The following PCDHA11 variants were observed in gnomAD, a reference collection of about 807,000 sequenced individuals.
PCDHA11 encodes protocadherin alpha 11, also known as protocadherin alpha-11.
In PCDHA11, 61 loss-of-function variants were observed where a neutral mutation model predicts 70.3. The observed-to-expected ratio is 0.87, with a 90% confidence interval of 0.71 to 1.07. The LOEUF is 1.07. Ranked by LOEUF, PCDHA11 falls within the 50% of genes least tolerant of loss-of-function variation. PCDHA11 has a pLI of 0.00. For synonymous variants in PCDHA11, 633 were observed against 555.1 expected, an observed-to-expected ratio of 1.14 and a Z score of -1.97; for missense variants, 1,324 against 1,237.5, an observed-to-expected ratio of 1.07 and a Z score of -1.05.
At chr5:140,909,471 A>G (rs1398595420) in intron 1 of PCDHA11, among the ~76,000 whole-genome samples, 3 of 152,328 alleles carry the variant, frequency 2.0e-5, no homozygotes, top group African/African-American at 7.2e-5. Context: ...TCTTCTTCAC[A>G]GGCTAAATAG....
intron 1 of PCDHA11, chr5:140,966,615 G>C (rs1423136904): frequency 3.9e-6 from 3 of 773,600 alleles, no homozygotes; most frequent in Non-Finnish European, 5.6e-6. Flanking sequence ...GAGGGCCTAC[G>C]GAGGGAGCGG....
At chr5:140,964,183 C>A (rs1422782402) in intron 1 of PCDHA11, among the ~76,000 whole-genome samples, 2 of 152,164 alleles carry the variant, frequency 1.3e-5, no homozygotes, top group Non-Finnish European at 2.9e-5. Context: ...CATTATAGTG[C>A]CAAATAGAGT....
intron 1 of PCDHA11, among the ~76,000 whole-genome samples, chr5:140,916,511 C>G (rs2077595595): frequency 6.6e-6 from 1 of 152,132 alleles, no homozygotes; most frequent in African/African-American, 2.4e-5. Flanking sequence ...ATTAATCTTG[C>G]CAAGACTGGG....
chr5:140,960,553 C>T (rs2095555809), intron 1 of PCDHA11, among the ~76,000 whole-genome samples: 1 of 152,078 alleles, frequency 6.6e-6, no homozygotes, highest in Non-Finnish European at 1.5e-5. Context: ...TTCATATAGA[C>T]TGAGCTTAGG....
intron 1 of PCDHA11, among the ~76,000 whole-genome samples, chr5:140,932,192 TTC>T (rs2088100364): frequency 6.6e-6 from 1 of 151,968 alleles, no homozygotes. Context: ...GTCCATTTTT[TTC>T]TGTTAATATT....
intron 3 of PCDHA11, among the ~76,000 whole-genome samples, chr5:140,992,293 G>A (rs1043574685): frequency 1.3e-5 from 2 of 152,136 alleles, no homozygotes; most frequent in African/African-American, 2.4e-5. Flanking sequence ...GCAAAGGATG[G>A]GAGTATTGTT....
chr5:140,952,512 C>T (rs1381568463), intron 1 of PCDHA11, among the ~76,000 whole-genome samples: 1 of 152,124 alleles, frequency 6.6e-6, no homozygotes, highest in Non-Finnish European at 1.5e-5. Flanking sequence ...TCCTCATCTC[C>T]ATCTGAGACC....
chr5:141,009,760 A>T lies in PCDHA11; in HGVS notation c.2673A>T (p.Gly891=), dbSNP rs782167920. The change falls in exon 4 of 4, where the codon GGA becomes GGT. Residue 891 remains glycine, a synonymous_variant. Transcript: ENST00000398640. ...TGCCCGACAAATTCATTATCCCAGG[A>T]TCTCCTGCAATCATCTCCATCCGGC... ...GELPDKFIIP[G]SPAIISIRQE... is the part of the protein sequence containing the mutation. 1.9e-6 allele frequency: 3 copies of T among 1,614,130 alleles called. No individual in the cohort carries two copies. Among genetic ancestry groups the T allele is most frequent in the Admixed American group, 3.3e-5 (2 of 60,020 alleles).
chr5:140,941,191 T>TTTTTTTTCTTTC (rs1554213809), intron 1 of PCDHA11, among the ~76,000 whole-genome samples: 2 of 93,204 alleles, frequency 2.1e-5, no homozygotes, highest in African/African-American at 7.9e-5. Context: ...GCTTCTTTTT[T>TTTTTTTTCTTTC]TTTCTTTCTT....
At chr5:140,935,673 A>T (rs1462991962) in intron 1 of PCDHA11, among the ~76,000 whole-genome samples, 1 of 152,180 alleles carries the variant, frequency 6.6e-6, no homozygotes, top group Non-Finnish European at 1.5e-5. Flanking sequence ...AATTATGTGA[A>T]ATATTTACAT....
In PCDHA11 at chr5:140,870,852, G is replaced by T. The variant is rs782301779; in HGVS notation, c.1749G>T (p.Ser583=). 6 of 1,613,862 alleles carry T rather than the reference G, an allele frequency of 3.7e-6. 1 individual carries two copies. The South Asian group carries it at 6.6e-5, about 18-fold the overall frequency. The change falls in exon 1 of 4, where the codon TCG becomes TCT. Residue 583 remains serine (S), a synonymous_variant. Coordinates refer to ENST00000398640, the MANE Select transcript of PCDHA11 (RefSeq NM_018902.5). ...GGAVNKLVPR[S]VGAGHVVAKV... ...CAGTTAACAAGCTAGTACCGCGGTC[G>T]GTGGGTGCGGGCCACGTGGTGGCGA...
At chr5:140,978,594 G>C (rs184264823) in intron 1 of PCDHA11, among the ~76,000 whole-genome samples, 31 of 152,288 alleles carry the variant, frequency 2.0e-4, no homozygotes, top group African/African-American at 7.5e-4. Flanking sequence ...CCCTTAATGG[G>C]GCACTTGAGG....
chr5:140,986,220 T>C (rs2097190951), intron 3 of PCDHA11, among the ~76,000 whole-genome samples: 1 of 152,194 alleles, frequency 6.6e-6, no homozygotes, highest in African/African-American at 2.4e-5. Flanking sequence ...CCCCTTTCTC[T>C]AGCCTCCCCT....
In PCDHA11 at chr5:140,903,129, A is replaced by C. The variant is rs184256724; in HGVS notation, c.2391+31635A>C. On this transcript the variant is annotated intron_variant, in intron 1 of 3. Coordinates refer to ENST00000398640, the MANE Select transcript of PCDHA11 (RefSeq NM_018902.5). ...TAGCTCTACTTCTAAATCTTTAAGA[A>C]ATCTCCAAACTGTTTTCCATAGTGG... Among the ~76,000 whole-genome samples the C allele has an allele frequency of 2.8e-3, 421 of 152,322 alleles. 2 individuals carry two copies. Among genetic ancestry groups the C allele is most frequent in the Middle Eastern group, 0.014 (4 of 294 alleles).
At position 140,982,508 on chromosome 5, in the gene PCDHA11, G is replaced by A. The variant is rs1586930589; in HGVS notation, c.2484G>A (p.Arg828=). The change falls in exon 3 of 4, where the codon CGG becomes CGA. Residue 828 remains arginine, a synonymous_variant. Transcript: ENST00000398640. The part of the protein sequence containing the change: ...SVHLEEAGIL[R]AGPGGPDQQW... The stretch of plus-strand genomic sequence containing the variant: ...ACCTAGAGGAGGCTGGCATTCTACG[G>A]GCTGGTCCAGGAGGGCCTGATCAGC... The A allele has an allele frequency of 6.2e-7, 1 of 1,614,154 alleles. No individual in the cohort carries two copies. Among genetic ancestry groups the A allele is most frequent in the Non-Finnish European group, 8.5e-7 (1 of 1,180,018 alleles).
intron 1 of PCDHA11, chr5:140,926,866 G>C: frequency 6.6e-7 from 1 of 1,524,204 alleles, no homozygotes; most frequent in Non-Finnish European, 8.8e-7. Flanking sequence ...GTAGCGTGTT[G>C]GTGGAACGTG....
At chr5:140,918,331 G>A (rs1429617568) in intron 1 of PCDHA11, among the ~76,000 whole-genome samples, 1 of 152,114 alleles carries the variant, frequency 6.6e-6, no homozygotes, top group Non-Finnish European at 1.5e-5. Context: ...TATATTGTCT[G>A]CTAAGAGAGA....
At chr5:140,885,482 G>A (rs1174553739) in intron 1 of PCDHA11, among the ~76,000 whole-genome samples, 1 of 152,150 alleles carries the variant, frequency 6.6e-6, no homozygotes, top group Non-Finnish European at 1.5e-5. Context: ...TTTGTGTCAA[G>A]TGTTCTGTTA....
chr5:140,945,801 C>T (rs1371269109), intron 1 of PCDHA11, among the ~76,000 whole-genome samples: 2 of 152,026 alleles, frequency 1.3e-5, no homozygotes, highest in East Asian at 3.9e-4. Context: ...GAAACTAGAC[C>T]CTTATCTCAC....
Sources: allele counts gnomAD v4.1 joint callset (sites outside exome capture counted in the v4.1 genomes callset), GRCh38; gene constraint gnomAD v4.1.1; transcripts MANE v1.5; gene names NCBI Gene and HGNC (gene_info 2026-07-23, HGNC 2026-07-21).